GRM5: variants seen among roughly 807,000 people sequenced by gnomAD.
The protein encoded by GRM5 is glutamate metabotropic receptor 5.
In GRM5, 19 loss-of-function variants were observed where a neutral mutation model predicts 83.1. That is an observed-to-expected ratio of 0.23 (90% CI 0.16 to 0.34). GRM5 has a LOEUF of 0.34. GRM5 is among the 10% of genes least tolerant of loss of function. The probability of loss-of-function intolerance (pLI) is 1.00; values close to 1 mark genes in which losing one functional copy is unlikely to be tolerated. For missense variants in GRM5, 1,160 were observed against 1,588.3 expected (o/e 0.73, Z 4.58); for synonymous variants, 675 against 633.6 (o/e 1.07, Z -0.98).
intron 2 of GRM5, among the ~76,000 whole-genome samples, chr11:88,962,074 A>G (rs1026990122): frequency 6.6e-6 from 1 of 152,244 alleles, no homozygotes; most frequent in East Asian, 1.9e-4. Flanking sequence ...ACTGAGATGC[A>G]TAAGTAGTGC....
Position 88,567,926 on chromosome 11 carries a change from A to G in GRM5, c.1757T>C (p.Phe586Ser). ...GGTGGCCAGGAGGCCAAGGCAGGCA[A>G]ACACCACAGCTGCAATGGGTTCAGG... The part of the protein sequence containing the change: ...GDPEPIAAVV[F>S]ACLGLLATLF... Residue 586 changes from phenylalanine to serine, a missense_variant, in exon 8 of 10, where the codon TTT becomes TCT. Physicochemically the swap from Phe to Ser is radical, Grantham distance 155. Coordinates refer to ENST00000305447, the MANE Select transcript of GRM5 (RefSeq NM_001143831.3). This position sits in a 1 kb window ranked among gnomAD's most constrained non-coding sequence, Gnocchi z 7.3. The G allele has an allele frequency of 6.2e-7, 1 of 1,614,084 alleles. No homozygotes were observed. The highest frequency in any genetic ancestry group is 8.5e-7 in the Non-Finnish European group (1 of 1,179,964).
intron 7 of GRM5, among the ~76,000 whole-genome samples, chr11:88,569,905 T>A (rs559432721): frequency 6.6e-6 from 1 of 152,298 alleles, no homozygotes; most frequent in African/African-American, 2.4e-5. Context: ...TGGCTTTGAA[T>A]ATCAATGGTT....
chr11:88,899,228 C>T (rs550620764), intron 2 of GRM5, among the ~76,000 whole-genome samples: 1 of 151,762 alleles, frequency 6.6e-6, no homozygotes, highest in Non-Finnish European at 1.5e-5. Flanking sequence ...TCATCTTGAG[C>T]AACATGAACA....
At chr11:88,756,154 C>A (rs932335535) in intron 3 of GRM5, among the ~76,000 whole-genome samples, 2 of 152,140 alleles carry the variant, frequency 1.3e-5, no homozygotes, top group Non-Finnish European at 2.9e-5. Context: ...TTCTAACAGT[C>A]TGACTGTGTT....
intron 2 of GRM5, among the ~76,000 whole-genome samples, chr11:88,937,986 T>G (rs529489694): frequency 1.4e-4 from 21 of 151,872 alleles, no homozygotes; most frequent in African/African-American, 5.1e-4. Context: ...ATGAGCATGA[T>G]GCCTAGAGCT....
intron 4 of GRM5, among the ~76,000 whole-genome samples, chr11:88,605,543 C>T (rs537662964): frequency 1.3e-5 from 2 of 152,142 alleles, no homozygotes; most frequent in Non-Finnish European, 2.9e-5. Context: ...ATTCAGTAAA[C>T]ATTTATTAGA....
At chr11:88,667,929 A>C (rs1397849973) in intron 3 of GRM5, among the ~76,000 whole-genome samples, 1 of 151,994 alleles carries the variant, frequency 6.6e-6, no homozygotes, top group East Asian at 1.9e-4. Flanking sequence ...TTAAAGTCAA[A>C]ATTGATTCTT....
chr11:88,768,301 T>C (rs1484465518), intron 3 of GRM5, among the ~76,000 whole-genome samples: 1 of 152,024 alleles, frequency 6.6e-6, no homozygotes, highest in Admixed American at 6.6e-5. Flanking sequence ...ATAACATGGA[T>C]GACTTTGAGG....
chr11:88,595,188 T>A (rs889693996), intron 6 of GRM5, among the ~76,000 whole-genome samples: 10 of 152,228 alleles, frequency 6.6e-5, no homozygotes, highest in Non-Finnish European at 1.5e-4. Context: ...GATACACATA[T>A]AACGATCAGA....
chr11:88,949,691 T>C (rs1462907721), intron 2 of GRM5, among the ~76,000 whole-genome samples: 1 of 152,170 alleles, frequency 6.6e-6, no homozygotes, highest in African/African-American at 2.4e-5. Context: ...TTGAAATATA[T>C]TATTTTGAAC....
intron 2 of GRM5, among the ~76,000 whole-genome samples, chr11:88,957,499 C>A (rs1027908403): frequency 6.6e-6 from 1 of 152,046 alleles, no homozygotes; most frequent in African/African-American, 2.4e-5. Context: ...TTCTAAACAA[C>A]GGGGATGAAG....
At chr11:88,886,220 C>A (rs190688549) in intron 2 of GRM5, among the ~76,000 whole-genome samples, 2 of 152,302 alleles carry the variant, frequency 1.3e-5, no homozygotes, top group African/African-American at 4.8e-5. Context: ...TGCTCGTAAA[C>A]TTCTCATATG....
At chr11:88,710,231 T>C (rs560077667) in intron 3 of GRM5, among the ~76,000 whole-genome samples, 41 of 152,192 alleles carry the variant, frequency 2.7e-4, no homozygotes, top group South Asian at 1.9e-3. Context: ...TTTGGTTTCA[T>C]AAAAGTAGTG....
chr11:89,044,721 A>C (rs965925526), intron 2 of GRM5, among the ~76,000 whole-genome samples: 10 of 152,168 alleles, frequency 6.6e-5, no homozygotes, highest in African/African-American at 2.4e-4. Context: ...ATTATCAAGT[A>C]CTGGGATTAA....
chr11:88,625,609 A>G (rs1304332354), intron 4 of GRM5, among the ~76,000 whole-genome samples: 2 of 152,074 alleles, frequency 1.3e-5, no homozygotes, highest in African/African-American at 4.8e-5. Context: ...GTTGTAACCT[A>G]GAGGGAATGT....
At chr11:89,053,321 C>T (rs575346738) in intron 1 of GRM5, among the ~76,000 whole-genome samples, 44 of 151,896 alleles carry the variant, frequency 2.9e-4, no homozygotes, top group African/African-American at 1.0e-3. Flanking sequence ...AACTTAGATA[C>T]CTGGAATACA....
chr11:88,959,652 C>A (rs541405374), intron 2 of GRM5, among the ~76,000 whole-genome samples: 1 of 152,114 alleles, frequency 6.6e-6, no homozygotes, highest in South Asian at 2.1e-4. Flanking sequence ...CTACTAACAC[C>A]CTTCCTTCCC....
intron 8 of GRM5, among the ~76,000 whole-genome samples, chr11:88,559,978 T>C (rs1049976280): frequency 6.6e-6 from 1 of 151,718 alleles, no homozygotes; most frequent in African/African-American, 2.4e-5. Context: ...CTAAGATGAG[T>C]ATGAGTTGGC....
At chr11:88,719,862 CT>C (rs1941492511) in intron 3 of GRM5, among the ~76,000 whole-genome samples, 1 of 152,054 alleles carries the variant, frequency 6.6e-6, no homozygotes, top group Non-Finnish European at 1.5e-5. Flanking sequence ...TGCATGTCTT[CT>C]TTTGAAAAAT....
Sources: gnomAD v4.1 joint callset for allele counts (sites outside exome capture counted in the v4.1 genomes callset) on GRCh38, gnomAD v4.1.1 for gene constraint, Gnocchi (gnomAD v3.1) non-coding constraint, MANE v1.5 for transcripts, NCBI Gene and HGNC (gene_info 2026-07-23, HGNC 2026-07-21) for gene names.